The following SMYD3 variants were observed in gnomAD, a reference collection of about 807,000 sequenced individuals.
SMYD3 encodes SET and MYND domain containing 3.
In SMYD3, 36 loss-of-function variants were observed where a neutral mutation model predicts 57.7. The observed-to-expected ratio is 0.62, with a 90% confidence interval of 0.48 to 0.82. The LOEUF is 0.82. SMYD3 is among the 40% of genes least tolerant of loss of function. The pLI, the probability that SMYD3 is intolerant of heterozygous loss-of-function variation, is 0.00. For missense variants in SMYD3, 515 were observed against 538.8 expected (o/e 0.96, Z 0.44); for synonymous variants, 211 against 195.0 (o/e 1.08, Z -0.68).
chr1:245,960,411 G>A (rs1006262632), intron 5 of SMYD3, among the ~76,000 whole-genome samples: 2 of 152,132 alleles, frequency 1.3e-5, no homozygotes, highest in Non-Finnish European at 2.9e-5. Context: ...AAATGACCCC[G>A]ACATGAAAAC....
chr1:246,412,156 C>T (rs769000995), intron 1 of SMYD3, among the ~76,000 whole-genome samples: 1 of 152,130 alleles, frequency 6.6e-6, no homozygotes, highest in Non-Finnish European at 1.5e-5. Flanking sequence ...AACCTCTCAG[C>T]ATCTTTACCT....
intron 5 of SMYD3, among the ~76,000 whole-genome samples, chr1:245,966,650 T>C (rs371627677): frequency 6.6e-6 from 1 of 152,158 alleles, no homozygotes; most frequent in East Asian, 1.9e-4. Context: ...ATGGAGAATA[T>C]CAACCAGAGT....
At chr1:246,321,616 C>G (rs937091125) in intron 5 of SMYD3, 2 of 152,216 alleles carry the variant, frequency 1.3e-5, no homozygotes, top group African/African-American at 4.8e-5. Flanking sequence ...CCTCCCATCT[C>G]AGCACACCGA....
chr1:246,436,960 C>T (rs2067387837), intron 1 of SMYD3, among the ~76,000 whole-genome samples: 1 of 144,954 alleles, frequency 6.9e-6, no homozygotes, highest in Non-Finnish European at 1.5e-5. Context: ...AGTGCAGTGA[C>T]ACAATCTCGG....
intron 5 of SMYD3, among the ~76,000 whole-genome samples, chr1:246,060,201 T>A (rs1471406877): frequency 6.6e-6 from 1 of 152,028 alleles, no homozygotes; most frequent in East Asian, 1.9e-4. Context: ...GATGGGAGGA[T>A]GGCTTGAGCT....
At chr1:245,793,126 G>C (rs376993566) in intron 10 of SMYD3, among the ~76,000 whole-genome samples, 1 of 146,088 alleles carries the variant, frequency 6.8e-6, no homozygotes, top group South Asian at 2.2e-4. Context: ...TGGCTAACAC[G>C]GTGAAACCCC....
chr1:246,316,870 C>A (rs1028960791), intron 5 of SMYD3, among the ~76,000 whole-genome samples: 14 of 150,980 alleles, frequency 9.3e-5, no homozygotes, highest in African/African-American at 3.4e-4. Flanking sequence ...GGTGTGCGGC[C>A]TGTAGTCCCA....
At chr1:246,125,008 C>G (rs1039710080) in intron 5 of SMYD3, among the ~76,000 whole-genome samples, 2 of 149,606 alleles carry the variant, frequency 1.3e-5, no homozygotes, top group African/African-American at 4.9e-5. Context: ...AGAGGCGGAG[C>G]TTGCAGTGAG....
At chr1:246,082,698 AAG>A (rs751455377) in intron 5 of SMYD3, among the ~76,000 whole-genome samples, 5 of 152,142 alleles carry the variant, frequency 3.3e-5, no homozygotes, top group Admixed American at 6.5e-5. Flanking sequence ...GGGGAAAAGA[AAG>A]AGAGATCAGA....
intron 7 of SMYD3, among the ~76,000 whole-genome samples, chr1:245,926,305 C>G (rs912613138): frequency 3.3e-5 from 5 of 152,198 alleles, no homozygotes; most frequent in Non-Finnish European, 7.3e-5. Context: ...CAAAGAGACA[C>G]AGTGGACAGA....
chr1:246,045,186 C>T (rs1214841663), intron 5 of SMYD3, among the ~76,000 whole-genome samples: 1 of 152,112 alleles, frequency 6.6e-6, no homozygotes, highest in Non-Finnish European at 1.5e-5. Flanking sequence ...CAATCCTAAG[C>T]CAAAAGAACA....
At chr1:246,265,538 G>T (rs918731854) in intron 5 of SMYD3, among the ~76,000 whole-genome samples, 1 of 152,144 alleles carries the variant, frequency 6.6e-6, no homozygotes, top group African/African-American at 2.4e-5. Context: ...GCTGACTCCA[G>T]AAAAACTGCA....
intron 4 of SMYD3, among the ~76,000 whole-genome samples, chr1:246,328,900 C>T (rs36057329): frequency 0.15 from 22,996 of 149,788 alleles, 2,205 homozygotes; most frequent in East Asian, 0.43. Flanking sequence ...TCCATGTGTT[C>T]TCATTGTTCA....
At chr1:246,506,989 G>GCCCCCCCCCCCCCCC (rs1182642267) in intron 1 of SMYD3, 65 bp downstream of exon 1, 41 of 650,538 alleles carry the variant, frequency 6.3e-5, no homozygotes, top group Non-Finnish European at 8.3e-5. Context: ...GCCGCCCGAC[G>GCCCCCCCCCCCCCCC]CCCCCCCCTC....
At chr1:246,408,089 ACT>A (rs2066897391) in intron 1 of SMYD3, among the ~76,000 whole-genome samples, 1 of 151,252 alleles carries the variant, frequency 6.6e-6, no homozygotes, top group South Asian at 2.1e-4. Flanking sequence ...ATTCATGAGG[ACT>A]CTGCCTTCCT....
rs1018955668 is a variant in SMYD3, at chr1:245,821,370, T to C, written c.1076+37126A>G. ...GTAGAAAGCTGAAACTGGATCCCTT[T>C]CTTACACCTTATAGAAAAATCAATT... On this transcript the variant is annotated intron_variant, in intron 10 of 11. Transcript: ENST00000490107. Among the ~76,000 whole-genome samples the C allele has an allele frequency of 1.4e-4, 14 of 97,788 alleles. 1 individual carries two copies. In the East Asian group the frequency reaches 1.9e-3, roughly 13 times the overall value. 64.2% of individuals were successfully genotyped at this position (97,788 alleles called of 152,430 possible). A position where few individuals can be genotyped will look rare whatever the true frequency, so the allele number is the denominator to read the frequency against.
At chr1:245,956,041 C>G in intron 5 of SMYD3, 3 of 985,086 alleles carry the variant, frequency 3.0e-6, no homozygotes, top group Non-Finnish European at 3.6e-6. Context: ...TACAAATGAC[C>G]CTATGTTCAT....
intron 10 of SMYD3, among the ~76,000 whole-genome samples, chr1:245,798,291 G>A (rs1173679253): frequency 2.0e-5 from 3 of 148,456 alleles, no homozygotes; most frequent in East Asian, 4.0e-4. Flanking sequence ...AAAAGAGGAA[G>A]CAATTTCCAG....
At chr1:246,190,977 A>C (rs994042380) in intron 5 of SMYD3, among the ~76,000 whole-genome samples, 1 of 152,228 alleles carries the variant, frequency 6.6e-6, no homozygotes, top group African/African-American at 2.4e-5. Context: ...CAACAGGTAA[A>C]TCCTGATGGA....
Sources: gnomAD v4.1 joint callset for allele counts (sites outside exome capture counted in the v4.1 genomes callset) on GRCh38, gnomAD v4.1.1 for gene constraint, MANE v1.5 for transcripts, NCBI Gene and HGNC (gene_info 2026-07-23, HGNC 2026-07-21) for gene names.